Variants in PDCD6 observed in about 807,000 individuals in gnomAD.
PDCD6 encodes the protein programmed cell death protein 6.
PDCD6 carries 12 observed loss-of-function variants against 28.3 expected under a neutral mutation model. The ratio of observed to expected loss-of-function variants is 0.42; its 90% confidence interval spans 0.27 to 0.69. PDCD6 has a LOEUF of 0.69. PDCD6 is among the 30% of genes least tolerant of loss of function. The probability of loss-of-function intolerance (pLI) is 0.22; values close to 1 mark genes in which losing one functional copy is unlikely to be tolerated. For missense variants in PDCD6, 226 were observed against 269.9 expected, an observed-to-expected ratio of 0.84 and a Z score of 1.14; for synonymous variants, 92 against 108.0, an observed-to-expected ratio of 0.85 and a Z score of 0.92.
intron 2 of PDCD6, among the ~76,000 whole-genome samples, chr5:301,029 T>G (rs1740016703): frequency 6.6e-6 from 1 of 152,232 alleles, no homozygotes; most frequent in Non-Finnish European, 1.5e-5. Context: ...TTAACCTGTG[T>G]TGCTTTGGTT....
chr5:311,886 T>C (rs1473670500), intron 5 of PDCD6: 5 of 168,464 alleles, frequency 3.0e-5, no homozygotes, highest in Admixed American at 6.4e-5. Context: ...GATTTTGCCA[T>C]GTTGGCCAGG....
chr5:287,899 T>G (rs4957014), intron 2 of PDCD6, among the ~76,000 whole-genome samples: 111,623 of 152,096 alleles, frequency 0.73, 41,511 homozygotes, highest in African/African-American at 0.78. Context: ...CAAGCAAAAG[T>G]TCAAGGAACC....
chr5:288,296 AT>A (rs1561037372), intron 2 of PDCD6, among the ~76,000 whole-genome samples: 2 of 108,068 alleles, frequency 1.9e-5, no homozygotes, highest in African/African-American at 2.8e-5. Flanking sequence ...TATATATTAT[AT>A]ATATATATAT....
intron 2 of PDCD6, among the ~76,000 whole-genome samples, chr5:297,471 T>G (rs1426900988): frequency 6.6e-6 from 1 of 152,266 alleles, no homozygotes; most frequent in African/African-American, 2.4e-5. Flanking sequence ...TTATTTCAAG[T>G]GTAAAAGTGT....
At position 314,551 on chromosome 5, in the gene PDCD6, A is replaced by G. The variant is rs199506819; in HGVS notation, c.*36A>G. On this transcript the variant is annotated 3_prime_UTR_variant, in exon 6 of 6. Transcript: ENST00000264933. ...TCGTGAAGAGCAGCACAACATGGAA[A>G]GAGCCAAAATGTCACAGTTCCTATC... 1.4e-6 allele frequency: 2 copies of G among 1,439,692 alleles called. No homozygotes were observed. The highest frequency in any genetic ancestry group is 4.5e-5 in the East Asian group (2 of 44,068). 89.2% of individuals were successfully genotyped at this position (1,439,692 alleles called of 1,614,324 possible). A position where few individuals can be genotyped will look rare whatever the true frequency, so the allele number is the denominator to read the frequency against.
intron 3 of PDCD6, chr5:306,174 A>AG (rs1193356058): frequency 9.9e-6 from 2 of 201,920 alleles, no homozygotes; most frequent in African/African-American, 4.5e-5. Flanking sequence ...GGAGAGTCAG[A>AG]GGGTCAGCTC....
At position 271,656 on chromosome 5, in the gene PDCD6, G is replaced by A; in HGVS notation, c.-65G>A. 1 of 916,558 alleles carries A rather than the reference G, an allele frequency of 1.1e-6. No individual in the cohort carries two copies. The highest frequency in any genetic ancestry group is 1.7e-6 in the Non-Finnish European group (1 of 584,996). The allele number at this position is 916,558 out of a possible 1,614,324, so 56.8% of individuals were successfully genotyped here. ...GGCCCTGCCCCCGGCAGAGGCGGAA[G>A]CGGAGTCGGCCTGAGAGGTCTCTCG... On this transcript the variant is annotated 5_prime_UTR_variant, in exon 1 of 6. Coordinates refer to ENST00000264933, the MANE Select transcript of PDCD6 (RefSeq NM_013232.4).
chr5:276,873 G>C lies in PDCD6; in HGVS notation c.163+4101G>C, dbSNP rs1738231598. 3.0e-6 allele frequency: 3 copies of C among 985,164 alleles called. No individual in the cohort carries two copies. The South Asian group carries it at 1.4e-4, about 46-fold the overall frequency. 61.0% of individuals were successfully genotyped at this position (985,164 alleles called of 1,614,324 possible). ...AAAATTACTGCTCTCAGGGAGGTCT[G>C]TGGTGAACAGGTATGAAGAAGAAGA... On this transcript the variant is annotated intron_variant, in intron 2 of 5. Transcript: ENST00000264933.
chr5:279,326 G>C lies in PDCD6; in HGVS notation c.163+6554G>C, dbSNP rs1738418718. 2.6e-5 allele frequency among the ~76,000 whole-genome samples: 4 copies of C among 152,112 alleles called. No homozygotes were observed. In the South Asian group the frequency reaches 8.3e-4, roughly 32 times the overall value. On this transcript the variant is annotated intron_variant, in intron 2 of 5. Transcript: ENST00000264933. ...CGAGATTTTCACAGACACGGCACAA[G>C]CAGAAGCCTGGAATGTGTGGCACTG...
chr5:294,373 G>A (rs1452624810), intron 2 of PDCD6, among the ~76,000 whole-genome samples: 1 of 151,484 alleles, frequency 6.6e-6, no homozygotes, highest in South Asian at 2.1e-4. Flanking sequence ...AAAAGCCCCA[G>A]TATTAAAGAG....
At chr5:294,430 G>A (rs1046899261) in intron 2 of PDCD6, among the ~76,000 whole-genome samples, 2 of 152,056 alleles carry the variant, frequency 1.3e-5, no homozygotes, top group African/African-American at 2.4e-5. Context: ...GTATAAGGAG[G>A]GCATATTGCC....
In PDCD6 at chr5:314,510, G is replaced by T. The variant is rs745705216; in HGVS notation, c.571G>T (p.Val191Leu). ...EQYLSMVFSI[V>L] ...GTACCTGTCCATGGTCTTCAGTATC[G>T]TATGACCCTGGCCTCTCGTGAAGAG... Residue 191 changes from valine (V) to leucine (L), a missense_variant, in exon 6 of 6, where the codon GTA becomes TTA. Val to Leu is a conservative substitution (Grantham distance 32). Transcript: ENST00000264933. The T allele has an allele frequency of 3.7e-6, 6 of 1,607,936 alleles. No homozygotes were observed. The highest frequency in any genetic ancestry group is 5.1e-6 in the Non-Finnish European group (6 of 1,174,640).
intron 1 of PDCD6, among the ~76,000 whole-genome samples, chr5:272,423 G>T (rs1460230108): frequency 4.0e-3 from 572 of 143,538 alleles, no homozygotes; most frequent in African/African-American, 6.3e-3. Context: ...AGGGAATCTT[G>T]TCTTGTCTGT....
At chr5:306,517 T>C in intron 3 of PDCD6, 85 bp from the exon 4 acceptor site, 2 of 1,478,224 alleles carry the variant, frequency 1.4e-6, no homozygotes, top group Non-Finnish European at 1.9e-6. Flanking sequence ...CCCGCCAGGC[T>C]CTGAGGGCTG....
intron 5 of PDCD6, among the ~76,000 whole-genome samples, chr5:314,163 T>TCAGGGGCTCAGC (rs376863067): frequency 6.6e-6 from 1 of 152,202 alleles, no homozygotes; most frequent in East Asian, 1.9e-4. Context: ...GAGCCTGGGG[T>TCAGGGGCTCAGC]CAGGGGCTCA....
rs1482232397 is a variant in PDCD6, at chr5:305,940, G to A, written c.209-662G>A. 2 of 153,222 alleles carry A rather than the reference G, an allele frequency of 1.3e-5. No homozygotes were observed. The highest frequency in any genetic ancestry group is 4.8e-5 in the African/African-American group (2 of 41,442). 9.5% of individuals were successfully genotyped at this position (153,222 alleles called of 1,614,324 possible). A position where few individuals can be genotyped will look rare whatever the true frequency, so the allele number is the denominator to read the frequency against. Reference sequence around the variant, plus strand: ...CTGTATTAACCTCTGTTCTTGAAAAGAGACCACGTGATTTATCATTTTCTC... The same window carrying A: ...CTGTATTAACCTCTGTTCTTGAAAAAAGACCACGTGATTTATCATTTTCTC... On this transcript the variant is annotated intron_variant, in intron 3 of 5. Coordinates refer to ENST00000264933, the MANE Select transcript of PDCD6 (RefSeq NM_013232.4). The surrounding 1 kb of genome is among the most constrained non-coding windows in gnomAD (Gnocchi z 4.0).
chr5:309,998 C>CA, intron 4 of PDCD6: 2 of 235,376 alleles, frequency 8.5e-6, no homozygotes, highest in African/African-American at 8.5e-5. Flanking sequence ...TGCCCGTGCA[C>CA]CCCAGTGATG....
chr5:282,651 T>C (rs1053215025), intron 2 of PDCD6, among the ~76,000 whole-genome samples: 2 of 148,646 alleles, frequency 1.3e-5, no homozygotes, highest in East Asian at 4.0e-4. Context: ...AGCTGAAGAC[T>C]TGGGGAGTAG....
chr5:281,530 T>G (rs1738562106), intron 2 of PDCD6, among the ~76,000 whole-genome samples: 1 of 151,834 alleles, frequency 6.6e-6, no homozygotes, highest in Admixed American at 6.6e-5. Context: ...GGGAGAGGTG[T>G]TCTAGTTTGA....
Sources: allele counts gnomAD v4.1 joint callset (sites outside exome capture counted in the v4.1 genomes callset), GRCh38; gene constraint gnomAD v4.1.1; non-coding constraint Gnocchi (gnomAD v3.1); transcripts MANE v1.5; gene names NCBI Gene and HGNC (gene_info 2026-07-23, HGNC 2026-07-21).